FAM210A: variants seen among roughly 807,000 people sequenced by gnomAD.
FAM210A encodes the protein family with sequence similarity 210 member A.
FAM210A carries 13 observed loss-of-function variants against 25.3 expected under a neutral mutation model. The ratio of observed to expected loss-of-function variants is 0.51; its 90% confidence interval spans 0.33 to 0.82. The LOEUF is 0.82. Among genes scored for constraint, FAM210A ranks in the 40% least tolerant of loss-of-function variants. The pLI is 0.02. For missense variants in FAM210A, 319 were observed against 323.2 expected (o/e 0.99, Z 0.10); for synonymous variants, 125 against 118.7 (o/e 1.05, Z -0.35).
At chr18:13,693,383 A>G (rs1429244824) in intron 1 of FAM210A, among the ~76,000 whole-genome samples, 1 of 152,254 alleles carries the variant, frequency 6.6e-6, no homozygotes, top group African/African-American at 2.4e-5. Context: ...AATCCTCCCT[A>G]ACTCATTTTA....
chr18:13,673,601 T>C (rs1160465250), intron 2 of FAM210A, among the ~76,000 whole-genome samples: 21 of 150,052 alleles, frequency 1.4e-4, no homozygotes, highest in African/African-American at 2.2e-4. Context: ...TCCTGAGCCG[T>C]GACTTATTTC....
At chr18:13,670,990 C>A (rs1313572444) in intron 3 of FAM210A, 1 of 152,738 alleles carries the variant, frequency 6.5e-6, no homozygotes, top group Non-Finnish European at 1.5e-5. Context: ...GAGTGAAACT[C>A]CGTCTCAAAA....
chr18:13,680,078 C>T (rs1351674812), intron 2 of FAM210A, among the ~76,000 whole-genome samples: 5 of 152,120 alleles, frequency 3.3e-5, no homozygotes, highest in Non-Finnish European at 7.4e-5. Flanking sequence ...GGCAACCTGA[C>T]GAGGGCAAAA....
intron 1 of FAM210A, among the ~76,000 whole-genome samples, chr18:13,703,807 A>G (rs1374094668): frequency 6.6e-6 from 1 of 152,252 alleles, no homozygotes; most frequent in Non-Finnish European, 1.5e-5. Flanking sequence ...CTTTTAGTTC[A>G]CATAACTTTA....
chr18:13,692,949 G>T (rs890206930), intron 1 of FAM210A, among the ~76,000 whole-genome samples: 1 of 152,160 alleles, frequency 6.6e-6, no homozygotes, highest in African/African-American at 2.4e-5. Flanking sequence ...AAAAATCAAT[G>T]AATCCAGGAG....
At chr18:13,693,328 G>C (rs1292044017) in intron 1 of FAM210A, among the ~76,000 whole-genome samples, 1 of 152,142 alleles carries the variant, frequency 6.6e-6, no homozygotes, top group Non-Finnish European at 1.5e-5. Context: ...AAGAGGAGCT[G>C]GTACCATTCC....
At chr18:13,722,849 CTTTTT>C (rs10560002) in intron 1 of FAM210A, among the ~76,000 whole-genome samples, 1 of 145,314 alleles carries the variant, frequency 6.9e-6, no homozygotes, top group Admixed American at 6.9e-5. Flanking sequence ...TCTTTCCTTT[CTTTTT>C]TTTTTTTTTG....
At chr18:13,673,333 C>A (rs1312488130) in intron 2 of FAM210A, among the ~76,000 whole-genome samples, 1 of 148,060 alleles carries the variant, frequency 6.8e-6, no homozygotes, top group Non-Finnish European at 1.5e-5. Context: ...TTCCTGAACC[C>A]CGACTTCATT....
intron 1 of FAM210A, among the ~76,000 whole-genome samples, chr18:13,717,394 T>C (rs1225802439): frequency 6.6e-6 from 1 of 152,090 alleles, no homozygotes; most frequent in Non-Finnish European, 1.5e-5. Flanking sequence ...CTTCCCACCC[T>C]AGCCTCCCAA....
chr18:13,694,288 C>A (rs1319154702), intron 1 of FAM210A, among the ~76,000 whole-genome samples: 1 of 152,056 alleles, frequency 6.6e-6, no homozygotes, highest in African/African-American at 2.4e-5. Context: ...GTGAAAATGG[C>A]CATACTGCCC....
chr18:13,706,111 C>A (rs537084119), intron 1 of FAM210A, among the ~76,000 whole-genome samples: 1 of 152,134 alleles, frequency 6.6e-6, no homozygotes, highest in African/African-American at 2.4e-5. Context: ...AACTTCAGGA[C>A]CTTGTATTTT....
intron 1 of FAM210A, among the ~76,000 whole-genome samples, chr18:13,683,161 CTAA>C (rs2043569834): frequency 6.6e-6 from 1 of 152,166 alleles, no homozygotes; most frequent in Non-Finnish European, 1.5e-5. Context: ...CTTTTGTAAA[CTAA>C]TGAGCATCAT....
intron 1 of FAM210A, among the ~76,000 whole-genome samples, chr18:13,698,471 A>G (rs1299532852): frequency 6.6e-6 from 1 of 152,106 alleles, no homozygotes; most frequent in African/African-American, 2.4e-5. Flanking sequence ...ATTAATTCAG[A>G]GTAAGAATAT....
intron 1 of FAM210A, among the ~76,000 whole-genome samples, chr18:13,716,954 G>C (rs1166345297): frequency 2.0e-5 from 3 of 152,244 alleles, no homozygotes; most frequent in Non-Finnish European, 4.4e-5. Context: ...AAGCTGACAT[G>C]GACAAGGCAG....
Position 13,671,955 on chromosome 18 carries a change from A to C in FAM210A, c.492T>G (p.Pro164=). Residue 164 remains proline, a synonymous_variant, in exon 3 of 4, where the codon CCT becomes CCG. Coordinates refer to ENST00000651643, the MANE Select transcript of FAM210A (RefSeq NM_152352.4). ...YAALKGVNVV[P]FLELIGLPDS... ...CAGGTAACCCAATGAGTTCTAGAAA[A>C]GGAACGACATTCACTCCTCTACAAA... The C allele has an allele frequency of 6.2e-7, 1 of 1,612,038 alleles. No individual in the cohort carries two copies. Among genetic ancestry groups the C allele is most frequent in the Non-Finnish European group, 8.5e-7 (1 of 1,178,746 alleles).
At position 13,697,286 on chromosome 18, in the gene FAM210A, C is replaced by A. The variant is rs184327115; in HGVS notation, c.-28-15181G>T. Among the ~76,000 whole-genome samples the A allele has an allele frequency of 4.5e-3, 688 of 151,956 alleles. 4 individuals carry two copies. Among genetic ancestry groups the A allele is most frequent in the Non-Finnish European group, 6.2e-3 (420 of 67,970 alleles). On this transcript the variant is annotated intron_variant, in intron 1 of 3. Transcript: ENST00000651643. ...AATGGGAAAAAGATCTGAACAGAGCCCTCATTAAGATCTACAGATGGCAAA... is the reference window on the plus strand; with the variant it reads ...AATGGGAAAAAGATCTGAACAGAGCACTCATTAAGATCTACAGATGGCAAA...
chr18:13,688,669 G>C (rs1207591450), intron 1 of FAM210A, among the ~76,000 whole-genome samples: 1 of 152,354 alleles, frequency 6.6e-6, no homozygotes, highest in East Asian at 1.9e-4. Flanking sequence ...CCTCACTGGC[G>C]GAGAGCAGCC....
At chr18:13,726,003 C>T (rs1295562663) in intron 1 of FAM210A, among the ~76,000 whole-genome samples, 1 of 152,212 alleles carries the variant, frequency 6.6e-6, no homozygotes, top group Non-Finnish European at 1.5e-5. Context: ...CTTCCGGGCC[C>T]CTCTTCAACT....
At chr18:13,699,820 C>T (rs891587084) in intron 1 of FAM210A, among the ~76,000 whole-genome samples, 5 of 152,130 alleles carry the variant, frequency 3.3e-5, no homozygotes, top group Admixed American at 6.5e-5. Context: ...TTAGTTCTAG[C>T]TCCCTTCTTC....
Sources: gnomAD v4.1 joint callset for allele counts (sites outside exome capture counted in the v4.1 genomes callset) on GRCh38, gnomAD v4.1.1 for gene constraint, MANE v1.5 for transcripts, NCBI Gene and HGNC (gene_info 2026-07-23, HGNC 2026-07-21) for gene names.